Variants in TMCO6 observed in about 807,000 individuals in gnomAD.
TMCO6 encodes the protein transmembrane and coiled-coil domain-containing protein 6.
Under a neutral mutation model 61.8 loss-of-function variants are expected in TMCO6, and 47 were observed. That is an observed-to-expected ratio of 0.76 (90% CI 0.60 to 0.97). The LOEUF (loss-of-function observed/expected upper bound fraction) is 0.97. TMCO6 is among the 50% of genes least tolerant of loss of function. TMCO6 has a pLI of 0.00. For missense variants in TMCO6, 557 were observed against 601.6 expected (o/e 0.93, Z 0.78); for synonymous variants, 261 against 254.2 (o/e 1.03, Z -0.25).
Position 140,644,152 on chromosome 5 carries a change from T to A in TMCO6, c.1158T>A (p.Pro386=). ...TGCTCTCCCTGGATCTGATTGAGCC[T>A]CTCTTACAGCTGTTGCCAGTATCTA... The part of the protein sequence containing the change: ...TSLLSLDLIE[P]LLQLLPVSNV... The change falls in exon 10 of 12, where the codon CCT becomes CCA. Residue 386 remains proline, a synonymous_variant. Coordinates refer to ENST00000394671, the MANE Select transcript of TMCO6 (RefSeq NM_018502.5). The A allele has an allele frequency of 6.2e-7, 1 of 1,614,222 alleles. No individual in the cohort carries two copies. Among genetic ancestry groups the A allele is most frequent in the Non-Finnish European group, 8.5e-7 (1 of 1,180,038 alleles).
At chr5:140,614,883 G>A in the TMCO6 span, among the ~76,000 whole-genome samples, 1 of 152,176 alleles carries the variant, frequency 6.6e-6, no homozygotes, top group South Asian at 2.1e-4. Context: ...TTACAGGCAT[G>A]AGCCACCTCG....
At chr5:140,629,139 C>T in the TMCO6 span, among the ~76,000 whole-genome samples, 172 of 152,044 alleles carry the variant, frequency 1.1e-3, no homozygotes, top group Non-Finnish European at 1.8e-3. Context: ...TGTGGTAGTG[C>T]ATGCCTGTAA....
chr5:140,634,232 G>A, the TMCO6 span, among the ~76,000 whole-genome samples: 4 of 152,086 alleles, frequency 2.6e-5, no homozygotes, highest in Admixed American at 1.3e-4. Context: ...GCTCTCTCCT[G>A]CCCTCCCCTC....
At chr5:140,614,912 C>T in the TMCO6 span, among the ~76,000 whole-genome samples, 1 of 152,110 alleles carries the variant, frequency 6.6e-6, no homozygotes, top group African/African-American at 2.4e-5. Context: ...GAAGTACTTT[C>T]AATACTTCTT....
chr5:140,629,655 T>C, the TMCO6 span, among the ~76,000 whole-genome samples: 1 of 152,112 alleles, frequency 6.6e-6, no homozygotes, highest in Admixed American at 6.6e-5. Context: ...TCAACCTGGC[T>C]GGGTGTGGTG....
the TMCO6 span, chr5:140,632,321 G>T: frequency 6.2e-7 from 1 of 1,614,048 alleles, no homozygotes; most frequent in East Asian, 2.2e-5. The surrounding 1 kb of genome is among the most constrained non-coding windows in gnomAD (Gnocchi z 6.2). Flanking sequence ...GGATGGCCGG[G>T]AACTTGTGGG....
At chr5:140,635,390 C>A (rs1756745742), upstream of TMCO6, among the ~76,000 whole-genome samples, 1 of 152,230 alleles carries the variant, frequency 6.6e-6, no homozygotes, top group Admixed American at 6.5e-5. Context: ...TGAGTAAAGT[C>A]TTTGGCACAG....
the TMCO6 span, among the ~76,000 whole-genome samples, chr5:140,615,546 T>A: frequency 6.6e-6 from 1 of 152,120 alleles, no homozygotes; most frequent in South Asian, 2.1e-4. Context: ...TCAAAACTTA[T>A]CACAAAGTTG....
upstream of TMCO6, chr5:140,639,390 C>G: frequency 1.2e-6 from 1 of 860,808 alleles, no homozygotes; most frequent in South Asian, 1.7e-5. Context: ...CCCGCCCTCA[C>G]CCAGCACCCA....
rs1476156558 is a variant in TMCO6 at position 140,640,742 on chromosome 5, T to A, written c.198+891T>A. 3.3e-5 allele frequency among the ~76,000 whole-genome samples: 5 copies of A among 152,228 alleles called. No individual in the cohort carries two copies. The East Asian group carries it at 9.6e-4, about 29-fold the overall frequency. ...ATATTAATCATTATCTAATGGTTTGTCTATTGTTATTTCTCCAACTAGACT... is the reference window on the plus strand; with the variant it reads ...ATATTAATCATTATCTAATGGTTTGACTATTGTTATTTCTCCAACTAGACT... On this transcript the variant is annotated intron_variant, in intron 2 of 11. Transcript: ENST00000394671.
downstream of TMCO6, chr5:140,647,595 T>C: frequency 1.2e-6 from 2 of 1,608,406 alleles, no homozygotes; most frequent in Non-Finnish European, 1.7e-6. Flanking sequence ...CTTGTTAATA[T>C]CGAAGTCGCC....
At chr5:140,639,702 CG>C in intron 1 of TMCO6, 36 bp from the exon 2 acceptor site, 1 of 1,558,366 alleles carries the variant, frequency 6.4e-7, no homozygotes, top group Non-Finnish European at 8.7e-7. Context: ...GGGTTGTGGT[CG>C]TCCTTCCCAC....
chr5:140,612,292 G>T, the TMCO6 span, among the ~76,000 whole-genome samples: 11 of 150,624 alleles, frequency 7.3e-5, no homozygotes, highest in Non-Finnish European at 1.3e-4. Context: ...CCTGTTTAGG[G>T]CACATTATTC....
chr5:140,611,727 C>A, the TMCO6 span, among the ~76,000 whole-genome samples: 10 of 152,316 alleles, frequency 6.6e-5, no homozygotes, highest in East Asian at 1.9e-3. Context: ...ACTCATAAGA[C>A]ATATTGGTCT....
chr5:140,647,678 T>A, downstream of TMCO6: 2 of 1,475,098 alleles, frequency 1.4e-6, no homozygotes, highest in Non-Finnish European at 1.9e-6. Context: ...ATAGGCTGCA[T>A]GAGGCAGGGG....
chr5:140,643,834 G>T lies in TMCO6; in HGVS notation c.973G>T (p.Glu325Ter). Residue 325 changes from glutamate (E) to a stop codon, truncating the protein, a stop_gained, in exon 9 of 12, where the codon GAG becomes TAG. Transcript: ENST00000394671. LOFTEE classifies it high-confidence loss of function. ...LSNLLTEAAV[E>*]TVGGQMQLRD... ...CAACCTGCTAACTGAGGCAGCAGTG[G>T]AGACTGTGGGAGGGCAAATGCAGCT... 6.2e-7 allele frequency: 1 copy of T among 1,614,242 alleles called. No individual in the cohort carries two copies. The highest frequency in any genetic ancestry group is 8.5e-7 in the Non-Finnish European group (1 of 1,180,052).
At chr5:140,632,596 C>G in the TMCO6 span, 1 of 1,613,938 alleles carries the variant, frequency 6.2e-7, no homozygotes, top group African/African-American at 1.3e-5. The surrounding 1 kb of genome is among the most constrained non-coding windows in gnomAD (Gnocchi z 6.2). Flanking sequence ...GGCATGGTGC[C>G]GGTTATCTTT....
At chr5:140,620,409 T>A in the TMCO6 span, among the ~76,000 whole-genome samples, 3 of 152,198 alleles carry the variant, frequency 2.0e-5, no homozygotes, top group Non-Finnish European at 4.4e-5. Context: ...CGAAGCCTTT[T>A]AGGGCAGTGA....
the TMCO6 span, chr5:140,633,331 A>C: frequency 1.7e-6 from 1 of 599,684 alleles, no homozygotes; most frequent in Non-Finnish European, 3.0e-6. Context: ...AGGGAGGGGG[A>C]CCGTAACAGG....
Sources: gnomAD v4.1 joint callset for allele counts (sites outside exome capture counted in the v4.1 genomes callset) on GRCh38, gnomAD v4.1.1 for gene constraint, Gnocchi (gnomAD v3.1) non-coding constraint, MANE v1.5 for transcripts, NCBI Gene and HGNC (gene_info 2026-07-23, HGNC 2026-07-21) for gene names.